NRXN1: variants seen among roughly 807,000 people sequenced by gnomAD.
The protein encoded by NRXN1 is neurexin 1, also known as neurexin-1.
In NRXN1, 39 loss-of-function variants were observed where a neutral mutation model predicts 150.9. The ratio of observed to expected loss-of-function variants is 0.26; its 90% confidence interval spans 0.20 to 0.34. The LOEUF (loss-of-function observed/expected upper bound fraction) is 0.34. Ranked by LOEUF, NRXN1 falls within the 10% of genes least tolerant of loss-of-function variation. The pLI is 1.00. For missense variants in NRXN1, 1,815 were observed against 1,949.9 expected, an observed-to-expected ratio of 0.93 and a Z score of 1.30; for synonymous variants, 924 against 757.0, an observed-to-expected ratio of 1.22 and a Z score of -3.62.
intron 17 of NRXN1, among the ~76,000 whole-genome samples, chr2:50,314,334 AAAAAAC>A (rs2075418891): frequency 6.6e-6 from 1 of 152,064 alleles, no homozygotes; most frequent in Non-Finnish European, 1.5e-5. Flanking sequence ...CTGCCACTTT[AAAAAAC>A]AAAAACAACA....
chr2:50,762,487 A>G (rs1393731673), intron 5 of NRXN1, among the ~76,000 whole-genome samples: 2 of 151,666 alleles, frequency 1.3e-5, no homozygotes, highest in Non-Finnish European at 1.5e-5. Flanking sequence ...CTCTTGCCCC[A>G]TTCCCTCCCT....
chr2:50,777,332 TCTATGGTCA>T (rs1276478233), intron 5 of NRXN1, among the ~76,000 whole-genome samples: 1 of 152,178 alleles, frequency 6.6e-6, no homozygotes, highest in Admixed American at 6.5e-5. Context: ...TATACAATTT[TCTATGGTCA>T]TATGCCTAAA....
intron 16 of NRXN1, among the ~76,000 whole-genome samples, chr2:50,472,077 T>C (rs2089532737): frequency 6.6e-6 from 1 of 150,628 alleles, no homozygotes. Context: ...CCAAGATCCA[T>C]AGATATACCT....
intron 17 of NRXN1, among the ~76,000 whole-genome samples, chr2:50,306,727 G>A (rs1477088317): frequency 6.6e-6 from 1 of 152,164 alleles, no homozygotes; most frequent in African/African-American, 2.4e-5. Flanking sequence ...AATGGAAACA[G>A]ACTTTGTTTC....
At chr2:50,232,850 T>C (rs2065075608) in intron 18 of NRXN1, among the ~76,000 whole-genome samples, 1 of 152,136 alleles carries the variant, frequency 6.6e-6, no homozygotes, top group Admixed American at 6.6e-5. Flanking sequence ...TAAACATTCA[T>C]CCAACTAAAA....
At chr2:49,958,381 A>G (rs1260966311) in intron 21 of NRXN1, among the ~76,000 whole-genome samples, 1 of 152,152 alleles carries the variant, frequency 6.6e-6, no homozygotes, top group Non-Finnish European at 1.5e-5. Context: ...GATTAAACAT[A>G]TCCTCTCTTG....
intron 5 of NRXN1, among the ~76,000 whole-genome samples, chr2:50,686,025 C>G (rs1691179925): frequency 6.6e-6 from 1 of 152,072 alleles, no homozygotes; most frequent in Non-Finnish European, 1.5e-5. Context: ...TACTTACTTC[C>G]TCTCCCTCCT....
chr2:49,922,065 C>G lies in NRXN1; in HGVS notation c.4403G>C (p.Ser1468Thr), dbSNP rs1558506799. The stretch of plus-strand genomic sequence containing the variant: ...TGCTGAGTTACTGATGTAGTTTCGA[C>G]TCTCGTCCACATGGTATGAGCCTTC... Reference protein sequence around the residue: ...RDEGSYHVDESRNYISNSAQS... With the variant: ...RDEGSYHVDETRNYISNSAQS... Residue 1468 changes from serine (S) to threonine (T), a missense_variant, in exon 23 of 23, where the codon AGT (serine) becomes ACT (threonine). Physicochemically the swap from Ser to Thr is moderately conservative, Grantham distance 58. Transcript: ENST00000401669. 6.2e-7 allele frequency: 1 copy of G among 1,614,152 alleles called. No individual in the cohort carries two copies. Among genetic ancestry groups the G allele is most frequent in the Non-Finnish European group, 8.5e-7 (1 of 1,180,018 alleles).
At chr2:50,609,415 C>T (rs1458802274) in intron 8 of NRXN1, among the ~76,000 whole-genome samples, 1 of 152,106 alleles carries the variant, frequency 6.6e-6, no homozygotes, top group Non-Finnish European at 1.5e-5. Flanking sequence ...AAGGCCCTGT[C>T]TGCAAGATAA....
At chr2:50,714,247 T>C (rs1209371256) in intron 5 of NRXN1, among the ~76,000 whole-genome samples, 1 of 152,166 alleles carries the variant, frequency 6.6e-6, no homozygotes, top group Non-Finnish European at 1.5e-5. Context: ...ATTTGCACTT[T>C]AATCCTCTGG....
intron 21 of NRXN1, among the ~76,000 whole-genome samples, chr2:49,967,152 C>A (rs1003497353): frequency 2.0e-5 from 3 of 151,862 alleles, no homozygotes; most frequent in African/African-American, 7.3e-5. Flanking sequence ...AAGTAATTCA[C>A]CTTAAAAATT....
At chr2:50,357,082 G>C (rs2078868380) in intron 17 of NRXN1, among the ~76,000 whole-genome samples, 1 of 151,984 alleles carries the variant, frequency 6.6e-6, no homozygotes. Context: ...TTTGAGACCA[G>C]CTTGAGCAAC....
Position 50,497,539 on chromosome 2 carries a change from A to G in NRXN1, c.2673T>C (p.Cys891=), listed in dbSNP as rs2091705907. 1 of 1,613,944 alleles carries G rather than the reference A, an allele frequency of 6.2e-7. No homozygotes were observed. Among genetic ancestry groups the G allele is most frequent in the African/African-American group, 1.3e-5 (1 of 75,044 alleles). Residue 891 remains cysteine, a synonymous_variant, in exon 14 of 23, where the codon TGT becomes TGC. Transcript: ENST00000401669. ...TGAAGCCAAATCTGGCATTAAGCTC[A>G]CAGTAATCTATGTCGCCATTTTTAC... ...DLCKNGDIDY[C]ELNARFGFRN...
chr2:50,956,452 T>A (rs1402050176), intron 2 of NRXN1, among the ~76,000 whole-genome samples: 2 of 152,016 alleles, frequency 1.3e-5, no homozygotes, highest in African/African-American at 4.8e-5. Flanking sequence ...AAATACACTT[T>A]AAAAGTAAGA....
chr2:50,912,204 G>A (rs1167548757), intron 5 of NRXN1: 1 of 151,762 alleles, frequency 6.6e-6, no homozygotes, highest in Non-Finnish European at 1.5e-5. Context: ...TAGATCTTCT[G>A]GGGGAAGGAG....
chr2:50,868,178 TA>T (rs2106079634), intron 5 of NRXN1, among the ~76,000 whole-genome samples: 1 of 95,880 alleles, frequency 1.0e-5, no homozygotes, highest in Non-Finnish European at 2.2e-5. Context: ...TATATATATA[TA>T]TATATATATG....
intron 19 of NRXN1, among the ~76,000 whole-genome samples, chr2:50,088,924 T>A (rs908694607): frequency 1.3e-5 from 2 of 152,164 alleles, no homozygotes; most frequent in Non-Finnish European, 2.9e-5. Flanking sequence ...TTGGGGCATA[T>A]AGACATTTTT....
intron 12 of NRXN1, among the ~76,000 whole-genome samples, chr2:50,525,151 G>A (rs1479332472): frequency 1.3e-5 from 2 of 152,160 alleles, no homozygotes; most frequent in African/African-American, 4.8e-5. Flanking sequence ...GACCAGGCAA[G>A]AGACTGTAAA....
chr2:50,533,712 A>T (rs917872853), intron 10 of NRXN1, among the ~76,000 whole-genome samples: 4 of 152,156 alleles, frequency 2.6e-5, no homozygotes, highest in Non-Finnish European at 2.9e-5. Flanking sequence ...CTCAGCTTTA[A>T]GTATGTCCCG....
Sources: allele counts gnomAD v4.1 joint callset (sites outside exome capture counted in the v4.1 genomes callset), GRCh38; gene constraint gnomAD v4.1.1; transcripts MANE v1.5; gene names NCBI Gene and HGNC (gene_info 2026-07-23, HGNC 2026-07-21).